Variants in GCN1 observed in about 807,000 individuals in gnomAD.
GCN1 encodes the protein GCN1 activator of EIF2AK4, also known as stalled ribosome sensor GCN1.
GCN1 carries 90 observed loss-of-function variants against 288.4 expected under a neutral mutation model. The ratio of observed to expected loss-of-function variants is 0.31; its 90% confidence interval spans 0.26 to 0.37. The LOEUF (loss-of-function observed/expected upper bound fraction) is 0.37. Among genes scored for constraint, GCN1 ranks in the 10% least tolerant of loss-of-function variants. The pLI is 1.00. For synonymous variants in GCN1, 1,386 were observed against 1,420.2 expected, an observed-to-expected ratio of 0.98 and a Z score of 0.54; for missense variants, 2,586 against 3,419.9, an observed-to-expected ratio of 0.76 and a Z score of 6.08.
At chr12:120,129,111 G>C (rs902562569) in intron 57 of GCN1, among the ~76,000 whole-genome samples, 165 bp downstream of exon 57, 1 of 152,128 alleles carries the variant, frequency 6.6e-6, no homozygotes, top group Admixed American at 6.5e-5. Context: ...TTACAGGCGC[G>C]AGCCACCGCG....
At position 120,144,651 on chromosome 12, in the gene GCN1, G is replaced by A. The variant is rs779252549; in HGVS notation, c.5340C>T (p.Pro1780=). ...TCATGGTACCTACTTTGAGGATACA[G>A]GGGATGATGGGCCCCACATAAGGAG... ...KFTPYVGPII[P]CILKALADEN... Residue 1780 remains proline, a synonymous_variant, in exon 41 of 58, where the codon CCC becomes CCT. Coordinates refer to ENST00000300648, the MANE Select transcript of GCN1 (RefSeq NM_006836.2). This position sits in a 1 kb window ranked among gnomAD's most constrained non-coding sequence, Gnocchi z 4.7. The A allele has an allele frequency of 1.9e-6, 3 of 1,613,802 alleles. No individual in the cohort carries two copies. The highest frequency in any genetic ancestry group is 2.5e-6 in the Non-Finnish European group (3 of 1,179,652).
intron 56 of GCN1, among the ~76,000 whole-genome samples, chr12:120,130,375 C>T (rs1394044213): frequency 6.6e-6 from 1 of 152,144 alleles, no homozygotes; most frequent in Non-Finnish European, 1.5e-5. Flanking sequence ...ACTACGGTGC[C>T]TAGAAAGAAT....
chr12:120,159,735 C>T (rs935271505), intron 24 of GCN1, 90 bp downstream of exon 24: 3 of 1,117,930 alleles, frequency 2.7e-6, no homozygotes, highest in Non-Finnish European at 4.1e-6. Flanking sequence ...GGTCACCACC[C>T]ACCTCCCCAC....
intron 15 of GCN1, 147 bp downstream of exon 15, chr12:120,170,022 T>A: frequency 1.4e-6 from 1 of 696,756 alleles, no homozygotes; most frequent in South Asian, 1.8e-5. Context: ...CATGCAACCA[T>A]GAGGTTCATC....
Position 120,176,202 on chromosome 12 carries a change from A to G in GCN1, c.854T>C (p.Leu285Pro), listed in dbSNP as rs777494643. Residue 285 changes from leucine (L) to proline (P), a missense_variant, in exon 10 of 58, where the codon CTG becomes CCG. Leu to Pro is a moderately conservative substitution (Grantham distance 98). Around this residue, in one of 8 missense-constraint regions of GCN1, gnomAD observed 913 missense variants for 1,107.0 expected, o/e 0.82. Coordinates refer to ENST00000300648, the MANE Select transcript of GCN1 (RefSeq NM_006836.2). ...ENVIETISSL[L>P]ASVTLDLSQY... ...GCTGAGGTCAAGCGTCACTGATGCC[A>G]GCAGACTAGAAATAGCTAAGGGGGA... 2 of 1,609,200 alleles carry G rather than the reference A, an allele frequency of 1.2e-6. No individual in the cohort carries two copies. The highest frequency in any genetic ancestry group is 1.7e-5 in the Admixed American group (1 of 60,010).
At position 120,127,256 on chromosome 12, in the gene GCN1, A is replaced by G. The variant is rs1417495317; in HGVS notation, c.*593T>C. ...TGTTTAATGGGTGGAGATTTTTAAA[A>G]ATCTGTTTATATCAAGATTAAATCA... On this transcript the variant is annotated 3_prime_UTR_variant, in exon 58 of 58. Coordinates refer to ENST00000300648, the MANE Select transcript of GCN1 (RefSeq NM_006836.2). 1.3e-5 allele frequency: 2 copies of G among 152,650 alleles called. No individual in the cohort carries two copies. The highest frequency in any genetic ancestry group is 4.8e-5 in the African/African-American group (2 of 41,444). 9.5% of individuals were successfully genotyped at this position (152,650 alleles called of 1,614,324 possible).
At chr12:120,165,526 G>T (rs1029165548) in intron 16 of GCN1, among the ~76,000 whole-genome samples, 1 of 151,476 alleles carries the variant, frequency 6.6e-6, no homozygotes, top group Non-Finnish European at 1.5e-5. Context: ...ACAGTGCAGT[G>T]GTGCAGTCTT....
rs372666086 is a variant in GCN1 at position 120,130,641 on chromosome 12, C to T, written c.7671+5G>A. 1 of 1,598,252 alleles carries T rather than the reference C, an allele frequency of 6.3e-7. No individual in the cohort carries two copies. Among genetic ancestry groups the T allele is most frequent in the African/African-American group, 1.3e-5 (1 of 74,626 alleles). On this transcript the variant is annotated splice_donor_5th_base_variant and intron_variant, in intron 56 of 57. Transcript: ENST00000300648. ...GGCTTAAACACATGCTTGGCCCCCA[C>T]TCACCTTAACGAACAGGCTGGAAAG...
Position 120,155,939 on chromosome 12 carries a change from A to G in GCN1, c.3313-220T>C, listed in dbSNP as rs1594272365. Among the ~76,000 whole-genome samples, 2 of 152,362 alleles carry G rather than the reference A, an allele frequency of 1.3e-5. No homozygotes were observed. The highest frequency in any genetic ancestry group is 4.1e-4 in the South Asian group (2 of 4,826). On this transcript the variant is annotated intron_variant, in intron 28 of 57. Coordinates refer to ENST00000300648, the MANE Select transcript of GCN1 (RefSeq NM_006836.2). This position sits in a 1 kb window ranked among gnomAD's most constrained non-coding sequence, Gnocchi z 4.9. ...AATTAAAACGTTAAATAAACCAGAC[A>G]GATAAAAACCTCAGAAAAAGCGTAT...
intron 14 of GCN1, among the ~76,000 whole-genome samples, chr12:120,171,198 G>A (rs1878304160): frequency 6.6e-6 from 1 of 151,720 alleles, no homozygotes; most frequent in South Asian, 2.1e-4. Context: ...GGGCACGGTG[G>A]CTCATGCCTA....
chr12:120,178,387 T>C (rs1421882255), intron 7 of GCN1, among the ~76,000 whole-genome samples: 2 of 145,638 alleles, frequency 1.4e-5, no homozygotes, highest in Admixed American at 1.3e-4. Context: ...GATGAATAAG[T>C]GACTGCATGA....
At position 120,174,146 on chromosome 12, in the gene GCN1, C is replaced by G; in HGVS notation, c.1117G>C (p.Val373Leu). 3 of 1,600,328 alleles carry G rather than the reference C, an allele frequency of 1.9e-6. No homozygotes were observed. Among genetic ancestry groups the G allele is most frequent in the Non-Finnish European group, 2.6e-6 (3 of 1,167,446 alleles). Residue 373 changes from valine to leucine, a missense_variant, in exon 13 of 58, where the codon GTG (valine) becomes CTG (leucine). This residue lies in a region of GCN1 where 913 missense variants were observed against 1,107.0 expected (regional missense o/e 0.82). Transcript: ENST00000300648. ...ACCTGACTGGAAGGTCCAGACACCA[C>G]GTGATGACTGACGCTCCCAATCCCT... The part of the protein sequence containing the change: ...LSGIGSVSHH[V>L]VSGPSSQVLN...
rs1172798134 is a variant in GCN1, at chr12:120,165,000, T to TACACACACAC, written c.1613-280_1613-279insGTGTGTGTGT. On this transcript the variant is annotated intron_variant, in intron 16 of 57. Transcript: ENST00000300648. ...ATATACATATACATATATACACATA[T>TACACACACAC]ATACACACACACACACACACACACA... 8.8e-3 allele frequency among the ~76,000 whole-genome samples: 547 copies of TACACACACAC among 62,268 alleles called. 2 individuals are homozygous for TACACACACAC. Among genetic ancestry groups the TACACACACAC allele is most frequent in the Middle Eastern group, 0.036 (5 of 138 alleles). 40.9% of individuals were successfully genotyped at this position (62,268 alleles called of 152,430 possible).
intron 2 of GCN1, among the ~76,000 whole-genome samples, chr12:120,185,598 GC>G (rs994834897): frequency 7.9e-5 from 12 of 151,932 alleles, no homozygotes; most frequent in Admixed American, 5.3e-4. Context: ...TGTTATTAAG[GC>G]CCCCCCGCCT....
chr12:120,181,252 G>T (rs1453276257), intron 5 of GCN1, among the ~76,000 whole-genome samples: 1 of 151,786 alleles, frequency 6.6e-6, no homozygotes, highest in Non-Finnish European at 1.5e-5. Flanking sequence ...GTTCCCTTGA[G>T]CCCAGGAGTT....
Position 120,142,450 on chromosome 12 carries a change from A to G in GCN1, c.5829+57T>C. 7.7e-7 allele frequency: 1 copy of G among 1,296,856 alleles called. No individual in the cohort carries two copies. Among genetic ancestry groups the G allele is most frequent in the African/African-American group, 1.5e-5 (1 of 68,932 alleles). 80.3% of individuals were successfully genotyped at this position (1,296,856 alleles called of 1,614,324 possible). ...CCAGGCTCTGCAGACCCAGCCTTCTAGGCTCTGAAAGGAGGCACTGGGGCT... is the reference window on the plus strand; with the variant it reads ...CCAGGCTCTGCAGACCCAGCCTTCTGGGCTCTGAAAGGAGGCACTGGGGCT... On this transcript the variant is annotated intron_variant, in intron 44 of 57. Transcript: ENST00000300648. The surrounding 1 kb of genome is among the most constrained non-coding windows in gnomAD (Gnocchi z 4.9).
At chr12:120,143,687 G>A (rs986189926) in intron 42 of GCN1, among the ~76,000 whole-genome samples, 19 of 151,822 alleles carry the variant, frequency 1.3e-4, no homozygotes, top group African/African-American at 4.1e-4. Flanking sequence ...ACATCCTTAT[G>A]TCTAACAGCT....
chr12:120,151,220 A>T lies in GCN1; in HGVS notation c.4234T>A (p.Ser1412Thr). The change falls in exon 34 of 58, where the codon TCG becomes ACG. Residue 1412 changes from serine (S) to threonine (T), a missense_variant. Ser to Thr is a moderately conservative substitution (Grantham distance 58). Coordinates refer to ENST00000300648, the MANE Select transcript of GCN1 (RefSeq NM_006836.2). ...AGLVKGLGIL[S>T]LKQQEMMAAL... is the part of the protein sequence containing the mutation. ...GCCATCATCTCCTGTTGCTTCAGCG[A>T]GAGGATGCCCAGGCCCTTCACCAGG... The T allele has an allele frequency of 6.2e-7, 1 of 1,614,164 alleles. No homozygotes were observed. The highest frequency in any genetic ancestry group is 1.1e-5 in the South Asian group (1 of 91,084).
chr12:120,151,483 C>A, intron 33 of GCN1, 92 bp from the exon 34 acceptor site: 1 of 1,330,522 alleles, frequency 7.5e-7, no homozygotes, highest in South Asian at 1.3e-5. Context: ...GCACCCACCA[C>A]TAGATGTCCC....
Sources: gnomAD v4.1 joint callset for allele counts (sites outside exome capture counted in the v4.1 genomes callset) on GRCh38, gnomAD v4.1.1 for gene constraint, gnomAD v4.1.1 regional missense constraint, Gnocchi (gnomAD v3.1) non-coding constraint, MANE v1.5 for transcripts, NCBI Gene and HGNC (gene_info 2026-07-23, HGNC 2026-07-21) for gene names.